Variants in RERE observed in about 807,000 individuals in gnomAD.
RERE encodes the protein arginine-glutamic acid dipeptide repeats protein.
Under a neutral mutation model 146.1 loss-of-function variants are expected in RERE, and 40 were observed. The ratio of observed to expected loss-of-function variants is 0.27; its 90% CI spans 0.21 to 0.36. The LOEUF is 0.36. RERE is among the 10% of genes least tolerant of loss of function. RERE has a pLI of 1.00. For missense variants in RERE, 1,933 were observed against 2,138.7 expected (o/e 0.90, Z 1.90); for synonymous variants, 1,003 against 866.0 (o/e 1.16, Z -2.78).
In RERE at chr1:8,353,395, C is replaced by A. The variant is rs1641170225; in HGVS notation, c.*1692G>T. The stretch of plus-strand genomic sequence containing the variant: ...AAACTATCAGCATCTCTTCCTGCTC[C>A]CTCTGCGGCCTGGGTCCTGGATGGA... On this transcript the variant is annotated 3_prime_UTR_variant, in exon 23 of 23. Coordinates refer to ENST00000400908, the MANE Select transcript of RERE (RefSeq NM_001042681.2). 6.6e-6 allele frequency: 1 copy of A among 152,252 alleles called. No homozygotes were observed. The allele number at this position is 152,252 out of a possible 1,614,324, so 9.4% of individuals were successfully genotyped here.
chr1:8,655,342 G>A (rs1638249335), intron 2 of RERE, among the ~76,000 whole-genome samples: 1 of 151,770 alleles, frequency 6.6e-6, no homozygotes, highest in Non-Finnish European at 1.5e-5. Flanking sequence ...AAGTAGCTGG[G>A]ATTAGAGGTG....
chr1:8,509,739 A>G (rs549931952), intron 7 of RERE, among the ~76,000 whole-genome samples: 1 of 152,320 alleles, frequency 6.6e-6, no homozygotes, highest in South Asian at 2.1e-4. Flanking sequence ...GGCTGCAGTG[A>G]GCCATGTTCG....
intron 1 of RERE, among the ~76,000 whole-genome samples, chr1:8,740,600 G>T (rs1640288474): frequency 6.6e-6 from 1 of 152,104 alleles, no homozygotes; most frequent in South Asian, 2.1e-4. Flanking sequence ...AATACATTGT[G>T]CAGCTCTACA....
chr1:8,501,472 T>C (rs868296659), intron 8 of RERE, among the ~76,000 whole-genome samples: 30 of 41,510 alleles, frequency 7.2e-4, no homozygotes, highest in African/African-American at 1.0e-3. Flanking sequence ...GAGGAGCCCC[T>C]CTGCCCGGCC....
In RERE at chr1:8,416,303, C is replaced by T. The variant is rs575281312; in HGVS notation, c.1284+6424G>A. On this transcript the variant is annotated intron_variant, in intron 12 of 22. Coordinates refer to ENST00000400908, the MANE Select transcript of RERE (RefSeq NM_001042681.2). ...AACTATATTGAGAAGTCCTGGCTCA[C>T]GGTCAGGCGCGGTGGCTCACACCTG... is the stretch of plus-strand genomic sequence containing the variant. Among the ~76,000 whole-genome samples, 25 of 152,206 alleles carry T rather than the reference C, an allele frequency of 1.6e-4. 1 individual carries two copies. The highest frequency in any genetic ancestry group is 3.4e-3 in the Middle Eastern group (1 of 294).
At chr1:8,541,132 TACAC>T in intron 7 of RERE, 78 bp downstream of exon 7, 12 of 693,096 alleles carry the variant, frequency 1.7e-5, no homozygotes, top group Admixed American at 2.8e-5. Context: ...AAGCATAAAC[TACAC>T]ACACACACAC....
chr1:8,641,748 G>A (rs1337237999), intron 2 of RERE, among the ~76,000 whole-genome samples: 2 of 152,184 alleles, frequency 1.3e-5, no homozygotes, highest in African/African-American at 4.8e-5. Context: ...CTGTGAGGCA[G>A]TAACATCTCT....
chr1:8,606,434 T>TA (rs932679177), intron 4 of RERE, among the ~76,000 whole-genome samples: 5 of 151,722 alleles, frequency 3.3e-5, no homozygotes, highest in South Asian at 2.1e-4. Flanking sequence ...ATACATACTT[T>TA]AAAAAAAAAT....
chr1:8,700,122 T>A (rs542692070), intron 1 of RERE, among the ~76,000 whole-genome samples: 1 of 152,016 alleles, frequency 6.6e-6, no homozygotes, highest in African/African-American at 2.4e-5. Context: ...CTCGCCAACA[T>A]AGTGAAACCC....
intron 1 of RERE, among the ~76,000 whole-genome samples, chr1:8,795,982 C>CAA (rs556814425): frequency 0.012 from 359 of 29,220 alleles, 15 homozygotes; most frequent in Middle Eastern, 0.019. Context: ...AACTCCGTCT[C>CAA]AAAAAAAAAA....
Position 8,584,702 on chromosome 1 carries a change from T to C in RERE, c.523-27179A>G, listed in dbSNP as rs367606608. ...AAGACTATAGTGTGTAATCTAAAAA[T>C]GCAGACATTCTATTATCATTTAACA... On this transcript the variant is annotated intron_variant, in intron 4 of 22. Transcript: ENST00000400908. Among the ~76,000 whole-genome samples the C allele has an allele frequency of 2.0e-4, 30 of 152,286 alleles. No individual in the cohort carries two copies. The East Asian group carries it at 2.3e-3, about 12-fold the overall frequency.
At chr1:8,774,819 G>A (rs1490904390) in intron 1 of RERE, among the ~76,000 whole-genome samples, 2 of 151,906 alleles carry the variant, frequency 1.3e-5, no homozygotes, top group Non-Finnish European at 2.9e-5. Context: ...TCATTGGTGG[G>A]TATTTTAACT....
At chr1:8,517,128 A>G (rs560285355) in intron 7 of RERE, among the ~76,000 whole-genome samples, 1 of 152,322 alleles carries the variant, frequency 6.6e-6, no homozygotes, top group Admixed American at 6.5e-5. Flanking sequence ...TACAGTTACA[A>G]AAGATGAGAC....
intron 1 of RERE, among the ~76,000 whole-genome samples, chr1:8,811,307 G>A (rs1641802263): frequency 6.6e-6 from 1 of 152,216 alleles, no homozygotes; most frequent in African/African-American, 2.4e-5. Flanking sequence ...CAGGAAGAAG[G>A]TCAAGAATCA....
At chr1:8,369,508 TAAAA>T (rs1186718390) in intron 12 of RERE, among the ~76,000 whole-genome samples, 29 of 76,896 alleles carry the variant, frequency 3.8e-4, no homozygotes, top group African/African-American at 9.7e-4. Context: ...CGCCTTTTAC[TAAAA>T]AAAAAAAAAA....
chr1:8,627,799 G>T (rs1217389067), intron 2 of RERE, among the ~76,000 whole-genome samples: 19 of 152,098 alleles, frequency 1.2e-4, no homozygotes, highest in Non-Finnish European at 2.8e-4. Context: ...AAGAACCTAT[G>T]TTCTTTCATT....
In RERE at chr1:8,552,759, T is replaced by C. The variant is rs918738386; in HGVS notation, c.725+3716A>G. Among the ~76,000 whole-genome samples the C allele has an allele frequency of 3.3e-5, 5 of 152,348 alleles. No individual in the cohort carries two copies. In the South Asian group the frequency reaches 8.3e-4, roughly 25 times the overall value. On this transcript the variant is annotated intron_variant, in intron 6 of 22. Coordinates refer to ENST00000400908, the MANE Select transcript of RERE (RefSeq NM_001042681.2). ...GGAGTAATGGGACAGGCAAAGCTTC[T>C]TTCACAGTGAGCGCTGCTGCCAAGA...
chr1:8,712,530 A>G (rs1052242536), intron 1 of RERE, among the ~76,000 whole-genome samples: 1 of 152,220 alleles, frequency 6.6e-6, no homozygotes, highest in Non-Finnish European at 1.5e-5. Context: ...TCTTAAGTGA[A>G]AGGAAATGAC....
intron 12 of RERE, among the ~76,000 whole-genome samples, chr1:8,378,769 A>G (rs1379482961): frequency 6.6e-6 from 1 of 152,232 alleles, no homozygotes; most frequent in East Asian, 1.9e-4. Context: ...AGACTAATAC[A>G]TAAGCCTAAG....
Sources: allele counts gnomAD v4.1 joint callset (sites outside exome capture counted in the v4.1 genomes callset), GRCh38; gene constraint gnomAD v4.1.1; transcripts MANE v1.5; gene names NCBI Gene and HGNC (gene_info 2026-07-23, HGNC 2026-07-21).